Variants in TMCC1 observed in about 807,000 individuals in gnomAD.
TMCC1 encodes the protein transmembrane and coiled-coil domain family 1.
TMCC1 carries 15 observed loss-of-function variants against 52.4 expected under a neutral mutation model. The observed-to-expected ratio is 0.29, with a 90% confidence interval of 0.19 to 0.44. TMCC1 has a LOEUF of 0.44. Ranked by LOEUF, TMCC1 falls within the 20% of genes least tolerant of loss-of-function variation. TMCC1 has a pLI of 1.00. For missense variants in TMCC1, 503 were observed against 806.0 expected (o/e 0.62, Z 4.55); for synonymous variants, 279 against 301.9 (o/e 0.92, Z 0.79).
chr3:129,813,979 T>C (rs2057969976), intron 4 of TMCC1, among the ~76,000 whole-genome samples: 1 of 130,268 alleles, frequency 7.7e-6, no homozygotes, highest in African/African-American at 3.9e-5. Flanking sequence ...TAAGTTCTTT[T>C]TCCTTATTTT....
intron 4 of TMCC1, among the ~76,000 whole-genome samples, chr3:129,790,285 G>C (rs543189451): frequency 6.6e-6 from 1 of 152,260 alleles, no homozygotes; most frequent in African/African-American, 2.4e-5. Context: ...TACTATCTTA[G>C]AACAATCTGT....
chr3:129,732,051 T>C (rs1451782759), intron 4 of TMCC1, among the ~76,000 whole-genome samples: 3 of 152,246 alleles, frequency 2.0e-5, no homozygotes, highest in African/African-American at 7.2e-5. Context: ...TTTGGAACTT[T>C]TTGAAATTTT....
In TMCC1 at chr3:129,710,482, G is replaced by A. The variant is rs77524727; in HGVS notation, c.577-39218C>T. On this transcript the variant is annotated intron_variant, in intron 4 of 6. Transcript: ENST00000393238. ...CCAGCTATCATTCCATTTTAAATAC[G>A]AGGAAAGTGAGGCTCATGAGAAGTT... Among the ~76,000 whole-genome samples the A allele has an allele frequency of 1.7e-3, 258 of 152,202 alleles. 6 individuals are homozygous for A. The East Asian group carries it at 0.046, about 27-fold the overall frequency.
intron 4 of TMCC1, among the ~76,000 whole-genome samples, chr3:129,700,782 A>AC (rs1195853132): frequency 6.6e-6 from 1 of 152,134 alleles, no homozygotes; most frequent in African/African-American, 2.4e-5. Flanking sequence ...GCCAAAAAAA[A>AC]AAAAAAATCT....
At chr3:129,767,256 C>CT (rs1196418728) in intron 4 of TMCC1, among the ~76,000 whole-genome samples, 1 of 122,478 alleles carries the variant, frequency 8.2e-6, no homozygotes, top group Non-Finnish European at 1.7e-5. Flanking sequence ...GAGACGCTGT[C>CT]TTTAAAAAAA....
intron 4 of TMCC1, among the ~76,000 whole-genome samples, chr3:129,718,959 T>C (rs2049338269): frequency 6.6e-6 from 1 of 152,162 alleles, no homozygotes; most frequent in Non-Finnish European, 1.5e-5. Flanking sequence ...GCACCCCTAA[T>C]CCCCACTTTG....
intron 4 of TMCC1, among the ~76,000 whole-genome samples, chr3:129,811,178 T>G (rs1201969576): frequency 6.6e-6 from 1 of 152,262 alleles, no homozygotes; most frequent in Non-Finnish European, 1.5e-5. Flanking sequence ...TCTGATGCAC[T>G]ACTCCATTGT....
intron 4 of TMCC1, among the ~76,000 whole-genome samples, chr3:129,781,889 A>G (rs2055562906): frequency 6.6e-6 from 1 of 152,194 alleles, no homozygotes; most frequent in South Asian, 2.1e-4. Context: ...AGAGATGAGT[A>G]GTTAATACCC....
chr3:129,779,706 G>A (rs1288782142), intron 4 of TMCC1, among the ~76,000 whole-genome samples: 1 of 152,002 alleles, frequency 6.6e-6, no homozygotes, highest in Non-Finnish European at 1.5e-5. Flanking sequence ...TGCCCATCAC[G>A]CCAACATCTA....
chr3:129,709,574 T>C (rs927304034), intron 4 of TMCC1, among the ~76,000 whole-genome samples: 1 of 149,698 alleles, frequency 6.7e-6, no homozygotes, highest in Non-Finnish European at 1.5e-5. Context: ...GATCCTGAGG[T>C]CCAAGTTTTT....
At chr3:129,863,685 A>T (rs2060496882) in intron 2 of TMCC1, among the ~76,000 whole-genome samples, 1 of 152,106 alleles carries the variant, frequency 6.6e-6, no homozygotes, top group Non-Finnish European at 1.5e-5. Context: ...AACATGGTGA[A>T]ACCCCGTCTC....
At chr3:129,820,666 T>C (rs2058371426) in intron 4 of TMCC1, among the ~76,000 whole-genome samples, 1 of 152,130 alleles carries the variant, frequency 6.6e-6, no homozygotes, top group Admixed American at 6.5e-5. Context: ...ATATGAGATT[T>C]GTGTTAAAGA....
chr3:129,709,497 A>AAAAAGAGAG (rs554837910), intron 4 of TMCC1, among the ~76,000 whole-genome samples: 5 of 64,074 alleles, frequency 7.8e-5, no homozygotes, highest in African/African-American at 2.7e-4. Flanking sequence ...AAAAAAAAAA[A>AAAAAGAGAG]AGAGAGAGAG....
chr3:129,722,066 A>C (rs1447952060), intron 4 of TMCC1, among the ~76,000 whole-genome samples: 2 of 152,190 alleles, frequency 1.3e-5, no homozygotes, highest in Admixed American at 6.5e-5. Context: ...ACCAATCAAT[A>C]AATAGTTCAG....
chr3:129,690,370 C>G (rs902646585), intron 4 of TMCC1, among the ~76,000 whole-genome samples: 6 of 151,912 alleles, frequency 3.9e-5, no homozygotes, highest in African/African-American at 1.5e-4. Flanking sequence ...CACAATTATA[C>G]AGCTGAATGT....
At chr3:129,686,027 C>T (rs140159076) in intron 4 of TMCC1, among the ~76,000 whole-genome samples, 178 of 152,324 alleles carry the variant, frequency 1.2e-3, no homozygotes, top group African/African-American at 3.7e-3. Context: ...TCTACTGCTA[C>T]CACCTTATGA....
intron 2 of TMCC1, among the ~76,000 whole-genome samples, chr3:129,877,193 C>T (rs1260744774): frequency 6.6e-6 from 1 of 152,178 alleles, no homozygotes; most frequent in Non-Finnish European, 1.5e-5. Context: ...CTTTAACCTC[C>T]AACCGCTCCA....
At chr3:129,820,546 C>G (rs2058365576) in intron 4 of TMCC1, among the ~76,000 whole-genome samples, 2 of 151,822 alleles carry the variant, frequency 1.3e-5, no homozygotes, top group South Asian at 4.1e-4. Flanking sequence ...ATTTGTCTAA[C>G]AGAGGCACAA....
At chr3:129,851,008 C>T (rs1053140728) in intron 2 of TMCC1, among the ~76,000 whole-genome samples, 6 of 152,184 alleles carry the variant, frequency 3.9e-5, no homozygotes, top group African/African-American at 9.7e-5. Flanking sequence ...AACCTTCCAG[C>T]GTGGGCATTA....
Sources: gnomAD v4.1 joint callset for allele counts (sites outside exome capture counted in the v4.1 genomes callset) on GRCh38, gnomAD v4.1.1 for gene constraint, MANE v1.5 for transcripts, NCBI Gene and HGNC (gene_info 2026-07-23, HGNC 2026-07-21) for gene names.